The following FOXN3 variants were observed in gnomAD, a reference collection of about 807,000 sequenced individuals.
FOXN3 encodes the protein forkhead box protein N3.
FOXN3 carries 7 observed loss-of-function variants against 38.4 expected under a neutral mutation model. The ratio of observed to expected loss-of-function variants is 0.18; its 90% CI spans 0.10 to 0.34. FOXN3 has a LOEUF of 0.34. Among genes scored for constraint, FOXN3 ranks in the 10% least tolerant of loss-of-function variants. The probability of loss-of-function intolerance (pLI) is 1.00; values close to 1 mark genes in which losing one functional copy is unlikely to be tolerated. For synonymous variants in FOXN3, 230 were observed against 242.2 expected (o/e 0.95, Z 0.47); for missense variants, 456 against 613.4 (o/e 0.74, Z 2.71).
chr14:89,599,558 T>TA (rs1345121726), intron 1 of FOXN3, among the ~76,000 whole-genome samples: 3 of 146,118 alleles, frequency 2.1e-5, no homozygotes, highest in African/African-American at 8.4e-5. Context: ...ATTTGTTTAT[T>TA]TTTTATTGTT....
chr14:89,304,397 AG>A (rs1230859389), intron 3 of FOXN3, among the ~76,000 whole-genome samples: 2 of 152,300 alleles, frequency 1.3e-5, no homozygotes, highest in African/African-American at 4.8e-5. Flanking sequence ...CGGTGAAGAC[AG>A]GAGAGAGATG....
At chr14:89,431,857 G>A (rs1271434738) in intron 1 of FOXN3, among the ~76,000 whole-genome samples, 1 of 152,126 alleles carries the variant, frequency 6.6e-6, no homozygotes, top group East Asian at 1.9e-4. Flanking sequence ...TTGGATTACA[G>A]GCGCCCGCCA....
At chr14:89,411,109 A>G (rs922096971) in intron 2 of FOXN3, among the ~76,000 whole-genome samples, 1 of 152,116 alleles carries the variant, frequency 6.6e-6, no homozygotes, top group African/African-American at 2.4e-5. Context: ...TTAGATTCTC[A>G]TAGGAGCACA....
chr14:89,328,526 C>T (rs1888144152), intron 3 of FOXN3, among the ~76,000 whole-genome samples: 1 of 152,012 alleles, frequency 6.6e-6, no homozygotes. Flanking sequence ...GAGACATTCC[C>T]AACAGCAGCC....
intron 1 of FOXN3, among the ~76,000 whole-genome samples, chr14:89,526,862 C>G (rs1305163989): frequency 6.6e-5 from 10 of 152,070 alleles, no homozygotes. Flanking sequence ...CTATAATGAT[C>G]AAGACAATGT....
intron 1 of FOXN3, among the ~76,000 whole-genome samples, chr14:89,438,165 G>C (rs1459212252): frequency 6.6e-6 from 1 of 152,202 alleles, no homozygotes; most frequent in Non-Finnish European, 1.5e-5. Flanking sequence ...TGTTTATTGA[G>C]AACTGACTTA....
At chr14:89,572,193 A>G (rs1281480148) in intron 1 of FOXN3, among the ~76,000 whole-genome samples, 2 of 152,368 alleles carry the variant, frequency 1.3e-5, no homozygotes, top group East Asian at 3.9e-4. Flanking sequence ...ACTAAAGTAT[A>G]CAGATCATAC....
chr14:89,601,396 G>A (rs1282745894), intron 1 of FOXN3, among the ~76,000 whole-genome samples: 1 of 152,198 alleles, frequency 6.6e-6, no homozygotes, highest in Non-Finnish European at 1.5e-5. Context: ...AAACGTCAGT[G>A]TGTTTTCCCA....
chr14:89,318,201 C>G (rs1887788358), intron 3 of FOXN3, among the ~76,000 whole-genome samples: 1 of 140,172 alleles, frequency 7.1e-6, no homozygotes, highest in Admixed American at 7.3e-5. Context: ...TCATGTTGCC[C>G]AGGCTGGAGT....
intron 3 of FOXN3, among the ~76,000 whole-genome samples, chr14:89,300,566 A>C (rs1887189134): frequency 6.6e-6 from 1 of 152,198 alleles, no homozygotes; most frequent in Non-Finnish European, 1.5e-5. Context: ...CACAGACAAG[A>C]AAATAACCTA....
intron 1 of FOXN3, among the ~76,000 whole-genome samples, chr14:89,485,826 C>T (rs140398643): frequency 0.012 from 1,759 of 152,254 alleles, 26 homozygotes; most frequent in African/African-American, 0.04. Flanking sequence ...CCCTCACTGC[C>T]TGGGCTCATG....
intron 4 of FOXN3, among the ~76,000 whole-genome samples, chr14:89,203,741 G>A (rs545963365): frequency 1.3e-3 from 194 of 152,226 alleles, no homozygotes; most frequent in South Asian, 2.5e-3. Flanking sequence ...CATTTCTTCC[G>A]CTCCCAGGGC....
intron 1 of FOXN3, among the ~76,000 whole-genome samples, chr14:89,504,901 A>T (rs1327447999): frequency 6.6e-6 from 1 of 151,982 alleles, no homozygotes; most frequent in Non-Finnish European, 1.5e-5. Context: ...TCCATTCCCC[A>T]CTCACCCAGG....
chr14:89,404,656 ACT>A (rs1482460432), intron 2 of FOXN3, among the ~76,000 whole-genome samples: 1 of 151,726 alleles, frequency 6.6e-6, no homozygotes, highest in Non-Finnish European at 1.5e-5. Context: ...ACCCTGGTAA[ACT>A]CTCAACCTTC....
chr14:89,566,270 T>TA (rs1266543831), intron 1 of FOXN3, among the ~76,000 whole-genome samples: 1 of 152,012 alleles, frequency 6.6e-6, no homozygotes, highest in Non-Finnish European at 1.5e-5. Context: ...TAAGAACGGC[T>TA]AATCAGAAAA....
rs1210184174 is a variant in FOXN3 at position 89,180,748 on chromosome 14, G to A, written c.804C>T (p.Gly268=). 5.0e-6 allele frequency: 8 copies of A among 1,612,448 alleles called. No individual in the cohort carries two copies. The highest frequency in any genetic ancestry group is 3.3e-5 in the South Asian group (3 of 90,636). The part of the protein sequence containing the change: ...ARVLSRGLFP[G]VRPLPITPIG... ...TGGGAGTGATTGGCAGCGGCCGCAC[G>A]CCAGGAAACAGCCCTCGGCTCAGGA... The change falls in exon 5 of 6, where the codon GGC becomes GGT. Residue 268 remains glycine (G), a synonymous_variant. Transcript: ENST00000557258.
chr14:89,435,724 T>C (rs1213252955), intron 1 of FOXN3, among the ~76,000 whole-genome samples: 1 of 152,196 alleles, frequency 6.6e-6, no homozygotes, highest in South Asian at 2.1e-4. Context: ...AGGGATCTGA[T>C]TCCACTGCCA....
At chr14:89,550,108 T>A (rs1894971953) in intron 1 of FOXN3, among the ~76,000 whole-genome samples, 1 of 152,158 alleles carries the variant, frequency 6.6e-6, no homozygotes, top group African/African-American at 2.4e-5. Flanking sequence ...ATTACACCTT[T>A]ATCATGCAGC....
At chr14:89,411,542 G>C (rs1478313826) in intron 2 of FOXN3, among the ~76,000 whole-genome samples, 1 of 152,108 alleles carries the variant, frequency 6.6e-6, no homozygotes, top group East Asian at 1.9e-4. Flanking sequence ...TTTTTCTCTA[G>C]CCCATGGTGG....
Sources: gnomAD v4.1 joint callset for allele counts (sites outside exome capture counted in the v4.1 genomes callset) on GRCh38, gnomAD v4.1.1 for gene constraint, MANE v1.5 for transcripts, NCBI Gene and HGNC (gene_info 2026-07-23, HGNC 2026-07-21) for gene names.